MAP3K10: variants seen among roughly 807,000 people sequenced by gnomAD.
MAP3K10 encodes mitogen-activated protein kinase kinase kinase 10.
MAP3K10 carries 22 observed loss-of-function variants against 75.0 expected under a neutral mutation model. The observed-to-expected ratio is 0.29, with a 90% CI of 0.21 to 0.42. The LOEUF (loss-of-function observed/expected upper bound fraction) is 0.42, where lower values mean the gene tolerates loss of function less well. MAP3K10 is among the 10% of genes least tolerant of loss of function. The pLI is 1.00. For missense variants in MAP3K10, 1,165 were observed against 1,379.8 expected (o/e 0.84, Z 2.47); for synonymous variants, 599 against 612.9 (o/e 0.98, Z 0.34).
chr19:40,201,972 C>T (rs1291498764), intron 2 of MAP3K10, among the ~76,000 whole-genome samples: 1 of 151,826 alleles, frequency 6.6e-6, no homozygotes, highest in Non-Finnish European at 1.5e-5. Context: ...CCCTTGTCCC[C>T]CACCCCCCAG....
chr19:40,206,417 T>A (rs544529100), intron 5 of MAP3K10: 776 of 298,910 alleles, frequency 2.6e-3, no homozygotes, highest in Middle Eastern at 3.6e-3. Context: ...AAAAAAAAAA[T>A]TTTTTTTAAT....
At chr19:40,196,569 A>G (rs1972910738) in intron 1 of MAP3K10, among the ~76,000 whole-genome samples, 1 of 152,204 alleles carries the variant, frequency 6.6e-6, no homozygotes, top group Non-Finnish European at 1.5e-5. Context: ...TCCAGGTTGA[A>G]GTGCAGTGGC....
rs758760290 is a variant in MAP3K10 at position 40,205,940 on chromosome 19, G to C, written c.1218G>C (p.Leu406=). The change falls in exon 5 of 10, where the codon CTG becomes CTC. Residue 406 remains leucine, a synonymous_variant. Coordinates refer to ENST00000253055, the MANE Select transcript of MAP3K10 (RefSeq NM_002446.4). The surrounding 1 kb of genome is among the most constrained non-coding windows in gnomAD (Gnocchi z 4.3). The stretch of plus-strand genomic sequence containing the variant: ...TTCGGAGCCGTGAGGAGGAGCTGCT[G>C]CGGGCGGCACAGGAGCAGCGCTTCC... ...KELRSREEEL[L]RAAQEQRFQE... 16 of 1,590,648 alleles carry C rather than the reference G, an allele frequency of 1.0e-5. No homozygotes were observed. Among genetic ancestry groups the C allele is most frequent in the Non-Finnish European group, 1.4e-5 (16 of 1,167,560 alleles).
At position 40,198,801 on chromosome 19, in the gene MAP3K10, C is replaced by G. The variant is rs991304636; in HGVS notation, c.863+246C>G. ...CTAGAGACAAGGCCGGGCGCGGGGGCGCACACCTGTAATCCCAGCACTTTG... is the reference window on the plus strand; with the variant it reads ...CTAGAGACAAGGCCGGGCGCGGGGGGGCACACCTGTAATCCCAGCACTTTG... On this transcript the variant is annotated intron_variant, in intron 2 of 9. Coordinates refer to ENST00000253055, the MANE Select transcript of MAP3K10 (RefSeq NM_002446.4). The surrounding 1 kb of genome is among the most constrained non-coding windows in gnomAD (Gnocchi z 4.3). Among the ~76,000 whole-genome samples the G allele has an allele frequency of 2.4e-4, 36 of 152,262 alleles. No homozygotes were observed. Among genetic ancestry groups the G allele is most frequent in the Admixed American group, 2.4e-3 (36 of 15,284 alleles).
At chr19:40,214,830 A>G (rs1973320430) in intron 9 of MAP3K10, 140 bp from the exon 10 acceptor site, 4 of 607,134 alleles carry the variant, frequency 6.6e-6, no homozygotes, top group South Asian at 2.0e-5. Context: ...CTGCCACACT[A>G]CAGATGGAAA....
chr19:40,213,235 G>A lies in MAP3K10; in HGVS notation c.1837+47G>A. ...AGGGGGTGGGGGTTCCCTGGCCAAA[G>A]GGGTGAGCCTCCTGGGGCTGAGCGA... On this transcript the variant is annotated intron_variant, in intron 8 of 9. Coordinates refer to ENST00000253055, the MANE Select transcript of MAP3K10 (RefSeq NM_002446.4). The surrounding 1 kb of genome is among the most constrained non-coding windows in gnomAD (Gnocchi z 5.7). The A allele has an allele frequency of 6.6e-7, 1 of 1,514,420 alleles. No homozygotes were observed. Among genetic ancestry groups the A allele is most frequent in the South Asian group, 1.3e-5 (1 of 79,164 alleles). 93.8% of individuals were successfully genotyped at this position (1,514,420 alleles called of 1,614,324 possible). A position where few individuals can be genotyped will look rare whatever the true frequency, so the allele number is the denominator to read the frequency against.
At chr19:40,201,794 C>CTTTTTTT (rs757199734) in intron 2 of MAP3K10, among the ~76,000 whole-genome samples, 8 of 123,388 alleles carry the variant, frequency 6.5e-5, no homozygotes, top group African/African-American at 6.2e-5. Flanking sequence ...CACACGCCAG[C>CTTTTTTT]TTTTTTTTTT....
chr19:40,205,200 C>T lies in MAP3K10; in HGVS notation c.1092C>T (p.Ala364=). 3 of 1,614,124 alleles carry T rather than the reference C, an allele frequency of 1.9e-6. No individual in the cohort carries two copies. The highest frequency in any genetic ancestry group is 2.5e-6 in the Non-Finnish European group (3 of 1,180,020). Residue 364 remains alanine (A), a synonymous_variant, in exon 4 of 10, where the codon GCC becomes GCT. Coordinates refer to ENST00000253055, the MANE Select transcript of MAP3K10 (RefSeq NM_002446.4). The surrounding 1 kb of genome is among the most constrained non-coding windows in gnomAD (Gnocchi z 4.3). ...LKRLEVIEQS[A]LFQMPLESFH... Reference sequence around the variant, plus strand: ...GGCTTGAAGTCATCGAACAGTCAGCCCTGTTCCAGATGCCACTGGAGTCCT... The same window carrying T: ...GGCTTGAAGTCATCGAACAGTCAGCTCTGTTCCAGATGCCACTGGAGTCCT...
chr19:40,206,235 T>G, intron 5 of MAP3K10, 78 bp downstream of exon 5: 1 of 1,488,712 alleles, frequency 6.7e-7, no homozygotes, highest in Non-Finnish European at 9.0e-7. Context: ...CTCTTCCTTT[T>G]CTTTTTCAAC....
intron 2 of MAP3K10, among the ~76,000 whole-genome samples, chr19:40,199,835 A>C (rs1488935244): frequency 6.6e-6 from 1 of 152,068 alleles, no homozygotes; most frequent in East Asian, 1.9e-4. Flanking sequence ...GAAATTTTTA[A>C]ATTAATTTTT....
chr19:40,194,826 C>T (rs896130388), intron 1 of MAP3K10, among the ~76,000 whole-genome samples: 1 of 152,200 alleles, frequency 6.6e-6, no homozygotes, highest in African/African-American at 2.4e-5. Context: ...TCTCCCTCCC[C>T]CAGCTATGGA....
chr19:40,213,600 C>T lies in MAP3K10; in HGVS notation c.1921C>T (p.Pro641Ser). The T allele has an allele frequency of 6.3e-7, 1 of 1,591,636 alleles. No individual in the cohort carries two copies. The highest frequency in any genetic ancestry group is 1.1e-5 in the South Asian group (1 of 89,852). The change falls in exon 9 of 10, where the codon CCT becomes TCT. Residue 641 changes from proline to serine, a missense_variant. Physicochemically the swap from Pro to Ser is moderately conservative, Grantham distance 74. Around this residue, in one of 2 missense-constraint regions of MAP3K10, gnomAD observed 590 missense variants for 586.6 expected, o/e 1.01. Transcript: ENST00000253055. This position sits in a 1 kb window ranked among gnomAD's most constrained non-coding sequence, Gnocchi z 5.7. ...STPSYLSVPL[P>S]AEPSPGARAP... ...CCCGTCCTACCTCTCAGTGCCACTG[C>T]CTGCCGAGCCCTCCCCGGGGGCGCG...
At chr19:40,203,916 A>C (rs1369589018) in intron 2 of MAP3K10, among the ~76,000 whole-genome samples, 4 of 152,168 alleles carry the variant, frequency 2.6e-5, no homozygotes, top group Non-Finnish European at 5.9e-5. Context: ...GTTCTCCACA[A>C]AGGGAACAGC....
Position 40,213,087 on chromosome 19 carries a change from TG to T in MAP3K10, c.1741del (p.Glu581LysfsTer96). On this transcript the variant is annotated frameshift_variant, in exon 8 of 10. Coordinates refer to ENST00000253055, the MANE Select transcript of MAP3K10 (RefSeq NM_002446.4). LOFTEE classifies it high-confidence loss of function. The surrounding 1 kb of genome is among the most constrained non-coding windows in gnomAD (Gnocchi z 5.7). ...CCTGGACCCCGCAGGCTGAAGGGGC[TG>T]GGGGAAGGAAGCAAACAGTGGTCAT... ...RVGGEERLKG[L>X]GEGSKQWSSS... The T allele has an allele frequency of 1.2e-6, 2 of 1,607,086 alleles. No individual in the cohort carries two copies.
At position 40,205,315 on chromosome 19, in the gene MAP3K10, G is replaced by A. The variant is rs751882015; in HGVS notation, c.1188+19G>A. On this transcript the variant is annotated intron_variant, in intron 4 of 9. Coordinates refer to ENST00000253055, the MANE Select transcript of MAP3K10 (RefSeq NM_002446.4). This position sits in a 1 kb window ranked among gnomAD's most constrained non-coding sequence, Gnocchi z 4.3. ...GGAGAAGGTGAAGGCAGGGGGCAAG[G>A]TGGGAAAGATGGAGCAAGACCCCTG... 6.2e-7 allele frequency: 1 copy of A among 1,613,412 alleles called. No homozygotes were observed. Among genetic ancestry groups the A allele is most frequent in the South Asian group, 1.1e-5 (1 of 91,026 alleles).
intron 5 of MAP3K10, among the ~76,000 whole-genome samples, chr19:40,207,121 A>G (rs1973137328): frequency 1.3e-5 from 2 of 152,166 alleles, no homozygotes; most frequent in South Asian, 4.1e-4. Flanking sequence ...TAAGATATAC[A>G]TATATATGCT....
In MAP3K10 at chr19:40,215,516, A is replaced by ACAGGG; in HGVS notation, c.*227_*231dup. The ACAGGG allele has an allele frequency of 1.8e-6, 1 of 540,704 alleles. No individual in the cohort carries two copies. Among genetic ancestry groups the ACAGGG allele is most frequent in the Non-Finnish European group, 3.3e-6 (1 of 302,812 alleles). 33.5% of individuals were successfully genotyped at this position (540,704 alleles called of 1,614,324 possible). A position where few individuals can be genotyped will look rare whatever the true frequency, so the allele number is the denominator to read the frequency against. On this transcript the variant is annotated 3_prime_UTR_variant, in exon 10 of 10. Coordinates refer to ENST00000253055, the MANE Select transcript of MAP3K10 (RefSeq NM_002446.4). Reference sequence around the variant, plus strand: ...GGAGGGTGGGCAGGGATACTCAGGGACAGGGCATCATGGGGGATTTGGCAC... The same window carrying ACAGGG: ...GGAGGGTGGGCAGGGATACTCAGGGACAGGGCAGGGCATCATGGGGGATTTGGCAC...
chr19:40,214,860 C>T (rs553537379), intron 9 of MAP3K10, 110 bp from the exon 10 acceptor site: 11 of 631,180 alleles, frequency 1.7e-5, no homozygotes, highest in East Asian at 1.3e-4. Context: ...GCAAGATCCA[C>T]GGATTTCTCG....
chr19:40,208,913 A>G (rs1484011882), intron 5 of MAP3K10, among the ~76,000 whole-genome samples, 190 bp from the exon 6 acceptor site: 1 of 152,132 alleles, frequency 6.6e-6, no homozygotes, highest in African/African-American at 2.4e-5. Flanking sequence ...AAGAATTTGC[A>G]TTGCCAAGAA....
Sources: gnomAD v4.1 joint callset for allele counts (sites outside exome capture counted in the v4.1 genomes callset) on GRCh38, gnomAD v4.1.1 for gene constraint, gnomAD v4.1.1 regional missense constraint, Gnocchi (gnomAD v3.1) non-coding constraint, MANE v1.5 for transcripts, NCBI Gene and HGNC (gene_info 2026-07-23, HGNC 2026-07-21) for gene names.